Variants in MARCHF5 observed in about 807,000 individuals in gnomAD.
The protein encoded by MARCHF5 is E3 ubiquitin-protein ligase MARCHF5.
Under a neutral mutation model 36.5 loss-of-function variants are expected in MARCHF5, and 5 were observed. The ratio of observed to expected loss-of-function variants is 0.14; its 90% CI spans 0.07 to 0.29. The LOEUF is 0.29. Ranked by LOEUF, MARCHF5 falls within the 10% of genes least tolerant of loss-of-function variation. MARCHF5 has a pLI of 1.00. For missense variants in MARCHF5, 179 were observed against 336.3 expected (o/e 0.53, Z 3.66); for synonymous variants, 103 against 109.9 (o/e 0.94, Z 0.39).
chr10:92,317,707 T>C (rs1843229259), intron 2 of MARCHF5, among the ~76,000 whole-genome samples: 1 of 152,132 alleles, frequency 6.6e-6, no homozygotes. Flanking sequence ...GATCATGTCA[T>C]TGTTGAACAG....
chr10:92,349,970 A>C (rs567581285), intron 5 of MARCHF5, 133 bp downstream of exon 5: 403 of 667,910 alleles, frequency 6.0e-4, no homozygotes, highest in Admixed American at 8.4e-4. Flanking sequence ...GAGCCTCACT[A>C]TCATTCAATA....
chr10:92,325,802 C>T (rs1420410851), intron 2 of MARCHF5, among the ~76,000 whole-genome samples: 2 of 152,058 alleles, frequency 1.3e-5, no homozygotes, highest in Admixed American at 6.6e-5. Context: ...CTCAGCCTCC[C>T]GAGTAGCTGG....
chr10:92,300,067 G>C (rs996071971), intron 1 of MARCHF5, among the ~76,000 whole-genome samples: 3 of 151,864 alleles, frequency 2.0e-5, no homozygotes, highest in Non-Finnish European at 4.4e-5. Context: ...AGGCTGAAGC[G>C]GGAGGTTCAC....
intron 3 of MARCHF5, among the ~76,000 whole-genome samples, chr10:92,344,518 G>A (rs966315165): frequency 1.1e-4 from 16 of 152,052 alleles, no homozygotes; most frequent in Non-Finnish European, 2.2e-4. Flanking sequence ...GACTAGCTAT[G>A]ACAGTAGGTG....
intron 1 of MARCHF5, among the ~76,000 whole-genome samples, chr10:92,307,206 TGTGTGTGC>T (rs55734487): frequency 0.079 from 9,177 of 116,574 alleles, 346 homozygotes; most frequent in Non-Finnish European, 0.11. Flanking sequence ...TGTGTGTGTG[TGTGTGTGC>T]GCGTGCATGC....
In MARCHF5 at chr10:92,340,586, G is replaced by A. The variant is rs1036048764; in HGVS notation, c.239-87G>A. 4.8e-6 allele frequency: 6 copies of A among 1,250,684 alleles called. No individual in the cohort carries two copies. The African/African-American group carries it at 7.6e-5, about 16-fold the overall frequency. 77.5% of individuals were successfully genotyped at this position (1,250,684 alleles called of 1,614,324 possible). On this transcript the variant is annotated intron_variant, in intron 2 of 5. Coordinates refer to ENST00000358935, the MANE Select transcript of MARCHF5 (RefSeq NM_017824.5). ...GACCCTGTGTCTTGTTGGGGGGAAG[G>A]TATTTTAGATCTATAGAAAATATCA...
chr10:92,304,481 C>G (rs563581391), intron 1 of MARCHF5, among the ~76,000 whole-genome samples: 7 of 152,042 alleles, frequency 4.6e-5, no homozygotes, highest in African/African-American at 1.7e-4. Context: ...GAAATGAAAC[C>G]AATTATATTG....
At chr10:92,314,352 A>T (rs1326211357) in intron 2 of MARCHF5, among the ~76,000 whole-genome samples, 1 of 152,236 alleles carries the variant, frequency 6.6e-6, no homozygotes. Flanking sequence ...TATAAAAAAA[A>T]ATGAATATCC....
chr10:92,313,018 G>C (rs577099635), intron 2 of MARCHF5, among the ~76,000 whole-genome samples: 1 of 152,134 alleles, frequency 6.6e-6, no homozygotes, highest in South Asian at 2.1e-4. Flanking sequence ...GGCAGATCAC[G>C]AGGTCAGGAG....
intron 1 of MARCHF5, among the ~76,000 whole-genome samples, chr10:92,296,436 TAAG>T (rs1842949424): frequency 6.6e-6 from 1 of 152,158 alleles, no homozygotes; most frequent in Non-Finnish European, 1.5e-5. Context: ...AATTCTTTAA[TAAG>T]AAGTTGTTAT....
chr10:92,353,647 A>G lies in MARCHF5; in HGVS notation c.*2440A>G, dbSNP rs746848843. The G allele has an allele frequency of 2.6e-5, 4 of 152,660 alleles. No homozygotes were observed. The highest frequency in any genetic ancestry group is 5.9e-5 in the Non-Finnish European group (4 of 68,002). 9.5% of individuals were successfully genotyped at this position (152,660 alleles called of 1,614,324 possible). On this transcript the variant is annotated 3_prime_UTR_variant, in exon 6 of 6. Transcript: ENST00000358935. Reference sequence around the variant, plus strand: ...GTAGATTTTTCGGATGGGTGGGTATATTTTATTTTCCAGTTTATTTTCATA... The same window carrying G: ...GTAGATTTTTCGGATGGGTGGGTATGTTTTATTTTCCAGTTTATTTTCATA...
intron 1 of MARCHF5, chr10:92,308,495 A>G (rs1722528506): frequency 6.6e-6 from 1 of 152,150 alleles, no homozygotes; most frequent in South Asian, 2.1e-4. Flanking sequence ...AATGCAGCCC[A>G]GTAGGTTTCA....
intron 2 of MARCHF5, among the ~76,000 whole-genome samples, chr10:92,318,070 C>A (rs1843236185): frequency 6.6e-6 from 1 of 151,668 alleles, no homozygotes; most frequent in Non-Finnish European, 1.5e-5. Flanking sequence ...TCATTTATTT[C>A]ATTTTCTTGG....
rs1449022895 is a variant in MARCHF5, at chr10:92,291,512, A to G, written c.18A>G (p.Leu6=). 1 of 1,547,540 alleles carries G rather than the reference A, an allele frequency of 6.5e-7. No homozygotes were observed. The highest frequency in any genetic ancestry group is 8.7e-7 in the Non-Finnish European group (1 of 1,145,550). Reference sequence around the variant, plus strand: ...CGCGGAAGATGCCGGACCAAGCCCTACAGCAGATGCTGGACAGGTACGGGC... The same window carrying G: ...CGCGGAAGATGCCGGACCAAGCCCTGCAGCAGATGCTGGACAGGTACGGGC... The part of the protein sequence containing the change: MPDQA[L]QQMLDRSCWV... The change falls in exon 1 of 6, where the codon CTA becomes CTG. Residue 6 remains leucine, a synonymous_variant. Coordinates refer to ENST00000358935, the MANE Select transcript of MARCHF5 (RefSeq NM_017824.5).
chr10:92,330,737 A>G (rs1325282037), intron 2 of MARCHF5, among the ~76,000 whole-genome samples: 1 of 152,194 alleles, frequency 6.6e-6, no homozygotes, highest in African/African-American at 2.4e-5. Context: ...GATCGTTACT[A>G]CGTAACATTA....
intron 2 of MARCHF5, among the ~76,000 whole-genome samples, chr10:92,311,605 A>G (rs983564960): frequency 2.0e-5 from 3 of 152,168 alleles, no homozygotes; most frequent in Admixed American, 6.6e-5. Flanking sequence ...GTGTGGATAT[A>G]ATTGAATAAC....
At chr10:92,301,293 G>T (rs1428378426) in intron 1 of MARCHF5, among the ~76,000 whole-genome samples, 1 of 152,200 alleles carries the variant, frequency 6.6e-6, no homozygotes, top group East Asian at 1.9e-4. Flanking sequence ...GCACATTATG[G>T]CTGCTTTAAA....
At chr10:92,341,042 G>A (rs534682532) in intron 3 of MARCHF5, among the ~76,000 whole-genome samples, 6 of 152,136 alleles carry the variant, frequency 3.9e-5, no homozygotes, top group African/African-American at 1.4e-4. Context: ...TCTGCATAAC[G>A]TTCTATCTAT....
intron 3 of MARCHF5, among the ~76,000 whole-genome samples, chr10:92,346,339 G>A (rs1843643657): frequency 6.6e-6 from 1 of 152,014 alleles, no homozygotes; most frequent in Non-Finnish European, 1.5e-5. Flanking sequence ...TTTAGCCCCA[G>A]CACAAAATCA....
Sources: gnomAD v4.1 joint callset for allele counts (sites outside exome capture counted in the v4.1 genomes callset) on GRCh38, gnomAD v4.1.1 for gene constraint, MANE v1.5 for transcripts, NCBI Gene and HGNC (gene_info 2026-07-23, HGNC 2026-07-21) for gene names.